The following JARID2 variants were observed in gnomAD, a reference collection of about 807,000 sequenced individuals.
JARID2 encodes protein Jumonji.
In JARID2, 21 loss-of-function variants were observed where a neutral mutation model predicts 125.6. The ratio of observed to expected loss-of-function variants is 0.17; its 90% CI spans 0.12 to 0.24. JARID2 has a LOEUF of 0.24. Ranked by LOEUF, JARID2 falls within the 10% of genes least tolerant of loss-of-function variation. The pLI is 1.00. For synonymous variants in JARID2, 736 were observed against 661.6 expected (o/e 1.11, Z -1.73); for missense variants, 1,303 against 1,639.6 (o/e 0.79, Z 3.55).
At chr6:15,484,072 A>G (rs571228718) in intron 5 of JARID2, among the ~76,000 whole-genome samples, 1 of 152,284 alleles carries the variant, frequency 6.6e-6, no homozygotes, top group South Asian at 2.1e-4. Flanking sequence ...TATTATTATG[A>G]AATAGTTTCG....
At chr6:15,436,507 G>A (rs1356539281) in intron 3 of JARID2, among the ~76,000 whole-genome samples, 2 of 152,166 alleles carry the variant, frequency 1.3e-5, no homozygotes, top group African/African-American at 4.8e-5. Flanking sequence ...GGCCCAGGAT[G>A]GGGGCGTGGC....
chr6:15,319,424 C>T (rs571907993), intron 1 of JARID2, among the ~76,000 whole-genome samples: 39 of 152,114 alleles, frequency 2.6e-4, no homozygotes, highest in African/African-American at 8.7e-4. Context: ...ACAGAGTTTC[C>T]CTCAAGCCAG....
intron 6 of JARID2, among the ~76,000 whole-genome samples, 173 bp downstream of exon 6, chr6:15,487,715 G>T (rs2127718222): frequency 6.6e-6 from 1 of 152,354 alleles, no homozygotes; most frequent in South Asian, 2.1e-4. Flanking sequence ...TGCACCTTTT[G>T]TCCTGCGAAG....
chr6:15,295,266 C>T (rs1761369841), intron 1 of JARID2, among the ~76,000 whole-genome samples: 1 of 151,698 alleles, frequency 6.6e-6, no homozygotes, highest in African/African-American at 2.4e-5. Flanking sequence ...GGACTACAGG[C>T]GCCCGCCAAC....
intron 3 of JARID2, among the ~76,000 whole-genome samples, chr6:15,423,785 C>T (rs138284282): frequency 3.9e-5 from 6 of 152,298 alleles, no homozygotes; most frequent in Middle Eastern, 3.4e-3. Flanking sequence ...GCCTCTGCTT[C>T]CCTTGGGGCC....
intron 1 of JARID2, among the ~76,000 whole-genome samples, chr6:15,341,570 G>C (rs1299138276): frequency 6.6e-6 from 1 of 152,124 alleles, no homozygotes; most frequent in Non-Finnish European, 1.5e-5. Flanking sequence ...TGGACCTTCT[G>C]TTTTGTCATC....
chr6:15,320,222 G>C (rs1226041394), intron 1 of JARID2, among the ~76,000 whole-genome samples: 1 of 152,194 alleles, frequency 6.6e-6, no homozygotes, highest in Admixed American at 6.5e-5. Flanking sequence ...ATGTATTACA[G>C]TGTTAATGTC....
rs548560502 is a variant in JARID2, at chr6:15,262,213, C to T, written c.45+15629C>T. 6.5e-4 allele frequency among the ~76,000 whole-genome samples: 92 copies of T among 142,634 alleles called. 1 individual carries two copies. The highest frequency in any genetic ancestry group is 1.9e-3 in the African/African-American group (72 of 38,472). The allele number at this position is 142,634 out of a possible 152,430, so 93.6% of individuals were successfully genotyped here. A position where few individuals can be genotyped will look rare whatever the true frequency, so the allele number is the denominator to read the frequency against. ...TAAAATTTTTATAGAGGTGGGGTTT[C>T]GCTGTGTTTCCTCGGTGGGTCTTAA... On this transcript the variant is annotated intron_variant, in intron 1 of 17. Transcript: ENST00000341776.
At chr6:15,487,110 G>A (rs942534592) in intron 5 of JARID2, among the ~76,000 whole-genome samples, 197 bp from the exon 6 acceptor site, 9 of 152,064 alleles carry the variant, frequency 5.9e-5, no homozygotes, top group African/African-American at 2.2e-4. Context: ...TCATGAGAAC[G>A]CACTTGTTAT....
At chr6:15,246,625 AAGCAAT>A in intron 1 of JARID2, 41 bp downstream of exon 1, 1 of 1,507,594 alleles carries the variant, frequency 6.6e-7, no homozygotes, top group East Asian at 2.3e-5. Context: ...TTGCAGTTTT[AAGCAAT>A]GGCTGTGAAT....
chr6:15,376,480 C>T (rs913376834), intron 2 of JARID2, among the ~76,000 whole-genome samples: 1 of 152,046 alleles, frequency 6.6e-6, no homozygotes, highest in African/African-American at 2.4e-5. Flanking sequence ...CCTTGAAAGG[C>T]CGAGGAGGGA....
At chr6:15,451,861 T>A in intron 3 of JARID2, 145 bp from the exon 4 acceptor site, 5 of 779,110 alleles carry the variant, frequency 6.4e-6, no homozygotes, top group Non-Finnish European at 9.9e-6. Flanking sequence ...TATGAGAGTG[T>A]GAGAGATATA....
chr6:15,262,613 A>G (rs150731467), intron 1 of JARID2, among the ~76,000 whole-genome samples: 1,503 of 149,348 alleles, frequency 0.01, 34 homozygotes, highest in African/African-American at 0.036. Flanking sequence ...GCTCACTGCA[A>G]CCTCCACTTC....
intron 3 of JARID2, among the ~76,000 whole-genome samples, chr6:15,420,949 C>CTCTT (rs2127587252): frequency 6.6e-6 from 1 of 152,318 alleles, no homozygotes; most frequent in African/African-American, 2.4e-5. Flanking sequence ...GAAATACTTT[C>CTCTT]TCTTGGGTAG....
intron 1 of JARID2, among the ~76,000 whole-genome samples, chr6:15,287,689 C>T (rs891763644): frequency 6.6e-6 from 1 of 151,650 alleles, no homozygotes; most frequent in Non-Finnish European, 1.5e-5. Flanking sequence ...CTGCCTTTGT[C>T]TGGAGCTATC....
At chr6:15,274,542 T>G (rs764521078) in intron 1 of JARID2, among the ~76,000 whole-genome samples, 1 of 152,242 alleles carries the variant, frequency 6.6e-6, no homozygotes, top group Non-Finnish European at 1.5e-5. Context: ...AAATTTATTT[T>G]CCTTCATTCA....
At chr6:15,381,092 A>G (rs12660966) in intron 2 of JARID2, among the ~76,000 whole-genome samples, 75,286 of 151,124 alleles carry the variant, frequency 0.5, 18,886 homozygotes, top group Middle Eastern at 0.57. Flanking sequence ...GGTGGCTCAC[A>G]CCTGTAATCC....
At chr6:15,449,386 A>T (rs1463014184) in intron 3 of JARID2, among the ~76,000 whole-genome samples, 2 of 152,084 alleles carry the variant, frequency 1.3e-5, no homozygotes, top group Admixed American at 6.5e-5. Context: ...TGGCTCATGC[A>T]TGTAATCCCA....
intron 6 of JARID2, among the ~76,000 whole-genome samples, chr6:15,494,051 G>GC: frequency 6.6e-6 from 1 of 152,258 alleles, no homozygotes; most frequent in East Asian, 1.9e-4. Context: ...TCTTCATGGG[G>GC]CCTGAGATCT....
Sources: gnomAD v4.1 joint callset for allele counts (sites outside exome capture counted in the v4.1 genomes callset) on GRCh38, gnomAD v4.1.1 for gene constraint, MANE v1.5 for transcripts, NCBI Gene and HGNC (gene_info 2026-07-23, HGNC 2026-07-21) for gene names.